SLC35F4: variants seen among roughly 807,000 people sequenced by gnomAD.
The protein encoded by SLC35F4 is chromosome 14 open reading frame 36.
A neutral mutation model predicts 44.2 loss-of-function variants in SLC35F4; 24 were observed. The ratio of observed to expected loss-of-function variants is 0.54; its 90% CI spans 0.39 to 0.76. SLC35F4 has a LOEUF of 0.76. Among genes scored for constraint, SLC35F4 ranks in the 30% least tolerant of loss-of-function variants. The pLI, the probability that SLC35F4 is intolerant of heterozygous loss-of-function variation, is 0.00. For synonymous variants in SLC35F4, 238 were observed against 223.6 expected, an observed-to-expected ratio of 1.06 and a Z score of -0.57; for missense variants, 562 against 586.1, an observed-to-expected ratio of 0.96 and a Z score of 0.42.
At chr14:57,597,745 TAGTC>T (rs749251487) in intron 1 of SLC35F4, among the ~76,000 whole-genome samples, 4 of 152,222 alleles carry the variant, frequency 2.6e-5, no homozygotes, top group Admixed American at 6.5e-5. Context: ...TAGAAGCAAA[TAGTC>T]AGAGGCATAA....
At chr14:57,723,616 C>T (rs2076137163) in intron 1 of SLC35F4, among the ~76,000 whole-genome samples, 1 of 152,234 alleles carries the variant, frequency 6.6e-6, no homozygotes, top group African/African-American at 2.4e-5. Context: ...GGTATGCAGC[C>T]ATTGACATGG....
intron 1 of SLC35F4, among the ~76,000 whole-genome samples, chr14:57,741,411 G>A (rs780514713): frequency 2.6e-5 from 4 of 152,174 alleles, no homozygotes; most frequent in Admixed American, 2.6e-4. Flanking sequence ...TGATGGAGCT[G>A]AAAACCATGG....
At chr14:57,911,845 G>A (rs1889221173) in intron 1 of SLC35F4, among the ~76,000 whole-genome samples, 1 of 151,960 alleles carries the variant, frequency 6.6e-6, no homozygotes, top group Non-Finnish European at 1.5e-5. Flanking sequence ...ATAGATTGTA[G>A]ATAATTGGCT....
At chr14:57,976,322 G>A (rs1881215876), downstream of SLC35F4, among the ~76,000 whole-genome samples, 2 of 152,166 alleles carry the variant, frequency 1.3e-5, no homozygotes, top group African/African-American at 4.8e-5. Context: ...TTGGGGGCAG[G>A]GGGAGGCCAG....
chr14:57,567,954 C>T (rs1230339877), intron 6 of SLC35F4, among the ~76,000 whole-genome samples: 1 of 152,194 alleles, frequency 6.6e-6, no homozygotes, highest in African/African-American at 2.4e-5. Flanking sequence ...GTTCAGGGTG[C>T]AGATTGATGT....
chr14:57,719,295 G>C (rs2076021487), intron 1 of SLC35F4, among the ~76,000 whole-genome samples: 1 of 151,852 alleles, frequency 6.6e-6, no homozygotes, highest in Admixed American at 6.6e-5. Context: ...GTTATCTTTG[G>C]CTATTATGGG....
chr14:57,958,878 C>T (rs1037389101), intron 1 of SLC35F4, among the ~76,000 whole-genome samples: 17 of 152,148 alleles, frequency 1.1e-4, no homozygotes, highest in Non-Finnish European at 1.5e-4. Flanking sequence ...TCTAACTCCC[C>T]GTAGAGAGAG....
At chr14:57,701,415 A>G (rs886786635) in intron 1 of SLC35F4, among the ~76,000 whole-genome samples, 3 of 152,226 alleles carry the variant, frequency 2.0e-5, no homozygotes, top group Non-Finnish European at 2.9e-5. Context: ...CTCTAAAACA[A>G]TGATAAAAAG....
At chr14:57,630,464 A>G (rs2072714608) in intron 1 of SLC35F4, 1 of 830,136 alleles carries the variant, frequency 1.2e-6, no homozygotes, top group African/African-American at 1.6e-5. Context: ...CCAGCCCAAG[A>G]GAGAAATGAA....
At chr14:57,965,794 G>T (rs922281099) in intron 1 of SLC35F4, among the ~76,000 whole-genome samples, 4 of 152,208 alleles carry the variant, frequency 2.6e-5, no homozygotes, top group African/African-American at 7.2e-5. Context: ...AAACCTATTT[G>T]CCCTGCTCTT....
In SLC35F4 at chr14:57,752,530, G is replaced by A. The variant is rs1404908071; in HGVS notation, c.103+113193C>T. The stretch of plus-strand genomic sequence containing the variant: ...GGCCGGAGTGCAGTGGTGTGATCTC[G>A]GCTCACTGCAACGTCCGCCTCCTGG... On this transcript the variant is annotated intron_variant, in intron 1 of 7. Coordinates refer to ENST00000556826, the MANE Select transcript of SLC35F4 (RefSeq NM_001306087.2). 2.7e-5 allele frequency among the ~76,000 whole-genome samples: 4 copies of A among 150,108 alleles called. No individual in the cohort carries two copies. The South Asian group carries it at 6.4e-4, about 24-fold the overall frequency.
intron 1 of SLC35F4, among the ~76,000 whole-genome samples, chr14:57,736,607 T>A (rs1259228286): frequency 6.6e-6 from 1 of 152,122 alleles, no homozygotes; most frequent in Non-Finnish European, 1.5e-5. Flanking sequence ...CAGCAACAAG[T>A]GGATGGGTCA....
intron 1 of SLC35F4, among the ~76,000 whole-genome samples, chr14:57,598,891 ATG>A (rs34462836): frequency 0.39 from 59,056 of 150,612 alleles, 11,998 homozygotes; most frequent in Admixed American, 0.47. Flanking sequence ...GTGTGTGTGT[ATG>A]TGTGTGTGTG....
chr14:57,669,307 T>C (rs571809483), intron 1 of SLC35F4, among the ~76,000 whole-genome samples: 16 of 152,102 alleles, frequency 1.1e-4, no homozygotes, highest in East Asian at 5.8e-4. Flanking sequence ...CTTTTCCTAA[T>C]TGAATACCCT....
intron 1 of SLC35F4, among the ~76,000 whole-genome samples, chr14:57,668,404 C>A (rs1476316687): frequency 6.6e-6 from 1 of 151,830 alleles, no homozygotes; most frequent in East Asian, 1.9e-4. Flanking sequence ...AAGTCCTTGC[C>A]CATGCCTATG....
intron 1 of SLC35F4, among the ~76,000 whole-genome samples, chr14:57,766,511 C>T (rs995059687): frequency 2.6e-5 from 4 of 152,192 alleles, no homozygotes; most frequent in Non-Finnish European, 5.9e-5. Flanking sequence ...AGGCCAGAGC[C>T]TAAGAGCACA....
At chr14:57,823,458 T>C (rs558519137) in intron 1 of SLC35F4, among the ~76,000 whole-genome samples, 10 of 152,236 alleles carry the variant, frequency 6.6e-5, no homozygotes, top group Non-Finnish European at 1.0e-4. Flanking sequence ...TATTACAACA[T>C]AGCATATTTG....
intron 1 of SLC35F4, among the ~76,000 whole-genome samples, chr14:57,713,635 C>T (rs550379164): frequency 6.6e-6 from 1 of 152,210 alleles, no homozygotes; most frequent in African/African-American, 2.4e-5. Context: ...ATTTTGTTTC[C>T]ATAGCTGCTT....
intron 1 of SLC35F4, among the ~76,000 whole-genome samples, chr14:57,951,662 C>A (rs550692998): frequency 6.6e-6 from 1 of 152,296 alleles, no homozygotes; most frequent in South Asian, 2.1e-4. Flanking sequence ...GTAAACAAAG[C>A]CTCAGGGAAG....
Sources: gnomAD v4.1 joint callset for allele counts (sites outside exome capture counted in the v4.1 genomes callset) on GRCh38, gnomAD v4.1.1 for gene constraint, MANE v1.5 for transcripts, NCBI Gene and HGNC (gene_info 2026-07-23, HGNC 2026-07-21) for gene names.